Variants in MYO1D observed in about 807,000 individuals in gnomAD.
The protein encoded by MYO1D is myosin ID.
In MYO1D, 83 loss-of-function variants were observed where a neutral mutation model predicts 122.0. The ratio of observed to expected loss-of-function variants is 0.68; its 90% CI spans 0.57 to 0.82. MYO1D has a LOEUF of 0.82. Ranked by LOEUF, MYO1D falls within the 40% of genes least tolerant of loss-of-function variation. The probability of loss-of-function intolerance (pLI) is 0.00; values close to 1 mark genes in which losing one functional copy is unlikely to be tolerated. For synonymous variants in MYO1D, 464 were observed against 446.9 expected (o/e 1.04, Z -0.48); for missense variants, 1,157 against 1,269.5 (o/e 0.91, Z 1.35).
At chr17:32,871,456 C>T (rs1162357182) in intron 1 of MYO1D, among the ~76,000 whole-genome samples, 3 of 152,102 alleles carry the variant, frequency 2.0e-5, no homozygotes, top group African/African-American at 4.8e-5. Flanking sequence ...AGAGAAGTTG[C>T]ATGGAGCTTT....
chr17:32,667,317 A>G (rs1229527900), intron 16 of MYO1D, among the ~76,000 whole-genome samples: 1 of 152,202 alleles, frequency 6.6e-6, no homozygotes, highest in Non-Finnish European at 1.5e-5. Context: ...TCTATAAGGG[A>G]CAAAATGAAT....
intron 16 of MYO1D, among the ~76,000 whole-genome samples, chr17:32,671,365 G>C (rs990256651): frequency 5.3e-5 from 8 of 152,216 alleles, no homozygotes; most frequent in African/African-American, 1.9e-4. Context: ...GGGTGCCCGG[G>C]CTGCGAGTCT....
At chr17:32,709,210 G>T (rs2089345048) in intron 16 of MYO1D, among the ~76,000 whole-genome samples, 1 of 152,158 alleles carries the variant, frequency 6.6e-6, no homozygotes, top group African/African-American at 2.4e-5. Flanking sequence ...AACACTTTGA[G>T]AGTAAAAGGG....
chr17:32,556,196 G>A (rs941000234), intron 21 of MYO1D, among the ~76,000 whole-genome samples: 3 of 152,174 alleles, frequency 2.0e-5, no homozygotes, highest in African/African-American at 7.2e-5. Flanking sequence ...GCCTTTCTAT[G>A]TGCTGCCATG....
chr17:32,593,901 CA>C (rs1396685973), intron 21 of MYO1D, among the ~76,000 whole-genome samples: 2 of 152,340 alleles, frequency 1.3e-5, no homozygotes, highest in East Asian at 3.9e-4. Context: ...GGTGCCATTG[CA>C]CTCTAGCCCG....
intron 20 of MYO1D, among the ~76,000 whole-genome samples, chr17:32,612,705 A>AC (rs1203905435): frequency 2.0e-5 from 3 of 151,458 alleles, no homozygotes; most frequent in Non-Finnish European, 2.9e-5. Context: ...ACAAAAAAAA[A>AC]AAAAAAAGAA....
At chr17:32,811,504 C>T (rs879889058) in intron 1 of MYO1D, among the ~76,000 whole-genome samples, 1 of 151,642 alleles carries the variant, frequency 6.6e-6, no homozygotes, top group Non-Finnish European at 1.5e-5. Flanking sequence ...TTCAATGTGA[C>T]TACTAATTCT....
chr17:32,716,945 A>C (rs550825552), intron 15 of MYO1D, among the ~76,000 whole-genome samples: 128 of 152,368 alleles, frequency 8.4e-4, no homozygotes, highest in African/African-American at 3.0e-3. Flanking sequence ...AGCATGTTTT[A>C]AATCCTTCTC....
chr17:32,830,908 T>C (rs2090766069), intron 1 of MYO1D, among the ~76,000 whole-genome samples: 2 of 152,010 alleles, frequency 1.3e-5, no homozygotes, highest in Admixed American at 1.3e-4. Context: ...TACAAAAAAT[T>C]AGCTGAGCGT....
At chr17:32,640,219 T>C (rs2088176280) in intron 19 of MYO1D, among the ~76,000 whole-genome samples, 1 of 152,172 alleles carries the variant, frequency 6.6e-6, no homozygotes, top group East Asian at 1.9e-4. Context: ...CCTTAGTAAA[T>C]AACTTTACAT....
At chr17:32,758,954 G>A (rs1209655517) in intron 10 of MYO1D, among the ~76,000 whole-genome samples, 4 of 152,084 alleles carry the variant, frequency 2.6e-5, no homozygotes, top group Non-Finnish European at 5.9e-5. Flanking sequence ...TGTCAATTAT[G>A]TCTGTGAAAT....
At chr17:32,650,819 C>T (rs2080738) in intron 19 of MYO1D, among the ~76,000 whole-genome samples, 101,767 of 151,964 alleles carry the variant, frequency 0.67, 34,302 homozygotes, top group Middle Eastern at 0.74. Context: ...GGAATACAAT[C>T]ATAATAATTA....
At chr17:32,668,230 T>C (rs2088662950) in intron 16 of MYO1D, among the ~76,000 whole-genome samples, 1 of 152,208 alleles carries the variant, frequency 6.6e-6, no homozygotes, top group African/African-American at 2.4e-5. Flanking sequence ...AGTTTGAGCA[T>C]CTGAGCAGAT....
At chr17:32,814,210 G>A (rs1205040898) in intron 1 of MYO1D, among the ~76,000 whole-genome samples, 2 of 152,088 alleles carry the variant, frequency 1.3e-5, no homozygotes, top group Non-Finnish European at 2.9e-5. Context: ...TGGGTGTGGT[G>A]GTGTGCACCT....
chr17:32,751,590 C>G (rs1363431154), intron 11 of MYO1D, among the ~76,000 whole-genome samples: 1 of 151,974 alleles, frequency 6.6e-6, no homozygotes, highest in Admixed American at 6.6e-5. Flanking sequence ...AATCAATGTA[C>G]AAAAATAAAT....
intron 1 of MYO1D, among the ~76,000 whole-genome samples, chr17:32,865,614 A>G (rs2091116964): frequency 6.6e-6 from 1 of 152,226 alleles, no homozygotes; most frequent in Admixed American, 6.5e-5. Flanking sequence ...GGAGTAAACA[A>G]TCTTTTTATT....
At chr17:32,588,342 G>A (rs537153829) in intron 21 of MYO1D, among the ~76,000 whole-genome samples, 2 of 152,320 alleles carry the variant, frequency 1.3e-5, no homozygotes, top group African/African-American at 4.8e-5. Context: ...AAAGACACAC[G>A]TGCTTGCTAG....
chr17:32,668,993 C>A (rs1020109266), intron 16 of MYO1D, among the ~76,000 whole-genome samples: 1 of 151,852 alleles, frequency 6.6e-6, no homozygotes, highest in South Asian at 2.1e-4. Context: ...TGAGCCACTG[C>A]GCCTGGCCGA....
rs1946989035 is a variant in MYO1D, at chr17:32,543,438, T to A, written c.2865-48523A>T. Among the ~76,000 whole-genome samples, 3 of 149,098 alleles carry A rather than the reference T, an allele frequency of 2.0e-5. No homozygotes were observed. The South Asian group carries it at 6.4e-4, about 32-fold the overall frequency. On this transcript the variant is annotated intron_variant, in intron 21 of 21. Transcript: ENST00000318217. Reference sequence around the variant, plus strand: ...AAAAATACAAAAAATTAGTCGGGCGTGGTGGCGGGCCCCTGTAGTCCCAGC... The same window carrying A: ...AAAAATACAAAAAATTAGTCGGGCGAGGTGGCGGGCCCCTGTAGTCCCAGC...
Sources: allele counts gnomAD v4.1 joint callset (sites outside exome capture counted in the v4.1 genomes callset), GRCh38; gene constraint gnomAD v4.1.1; transcripts MANE v1.5; gene names NCBI Gene and HGNC (gene_info 2026-07-23, HGNC 2026-07-21).